TEX46: variants seen among roughly 807,000 people sequenced by gnomAD.
TEX46 encodes testis expressed 46, also known as testis-expressed protein 46.
TEX46 carries 6 observed loss-of-function variants against 5.3 expected under a neutral mutation model. The observed-to-expected ratio is 1.13, with a 90% CI of 0.62 to 2.23. The LOEUF (loss-of-function observed/expected upper bound fraction) is 2.23, where lower values mean the gene tolerates loss of function less well. Among genes scored for constraint, TEX46 ranks in the 30% most tolerant of loss-of-function variants. The pLI, the probability that TEX46 is intolerant of heterozygous loss-of-function variation, is 0.00. For missense variants in TEX46, 131 were observed against 150.9 expected, an observed-to-expected ratio of 0.87 and a Z score of 0.69; for synonymous variants, 41 against 54.6, an observed-to-expected ratio of 0.75 and a Z score of 1.10.
chr1:23,014,236 T>A, intron 1 of TEX46, 191 bp from the exon 2 acceptor site: 2 of 1,073,306 alleles, frequency 1.9e-6, no homozygotes, highest in Non-Finnish European at 2.5e-6. Flanking sequence ...ACCCACTATG[T>A]GCCAGACTCT....
intron 2 of TEX46, among the ~76,000 whole-genome samples, chr1:23,012,317 T>C (rs1641362318): frequency 6.6e-6 from 1 of 151,030 alleles, no homozygotes; most frequent in Non-Finnish European, 1.5e-5. Context: ...GCATCCAGCC[T>C]GGGCCACAGA....
chr1:23,012,328 G>C (rs534648265), intron 2 of TEX46, among the ~76,000 whole-genome samples: 34 of 149,456 alleles, frequency 2.3e-4, no homozygotes, highest in Non-Finnish European at 4.0e-4. Flanking sequence ...GGGCCACAGA[G>C]CGAGACCCTG....
chr1:23,011,246 A>C, intron 2 of TEX46, 145 bp from the exon 3 acceptor site: 2 of 621,062 alleles, frequency 3.2e-6, no homozygotes, highest in Non-Finnish European at 5.7e-6. Context: ...TTGGTTAATA[A>C]TGATAATCCC....
chr1:23,011,266 T>TG (rs1275455183), intron 2 of TEX46, 165 bp from the exon 3 acceptor site: 1 of 599,034 alleles, frequency 1.7e-6, no homozygotes, highest in Non-Finnish European at 3.0e-6. Context: ...CTTCCTTGCT[T>TG]GAACACCTGC....
chr1:23,014,115 G>A (rs147337760), intron 1 of TEX46, 70 bp from the exon 2 acceptor site: 26 of 1,480,068 alleles, frequency 1.8e-5, no homozygotes, highest in Non-Finnish European at 2.2e-5. Context: ...CCTGCCTCAG[G>A]CCCCTCCATG....
At chr1:23,011,426 CTT>C (rs1569574481) in intron 2 of TEX46, among the ~76,000 whole-genome samples, 2 of 146,974 alleles carry the variant, frequency 1.4e-5, no homozygotes, top group Non-Finnish European at 3.0e-5. Context: ...GAGTTTCACT[CTT>C]GTTGCCCAGG....
chr1:23,015,127 G>A (rs1569577742), intron 1 of TEX46, among the ~76,000 whole-genome samples: 1 of 151,528 alleles, frequency 6.6e-6, no homozygotes, highest in Non-Finnish European at 1.5e-5. Flanking sequence ...ACAGGTGTGA[G>A]TCCCCGTGCC....
chr1:23,014,997 C>T (rs964242883), intron 1 of TEX46, among the ~76,000 whole-genome samples: 15 of 151,948 alleles, frequency 9.9e-5, no homozygotes, highest in Non-Finnish European at 1.5e-5. Context: ...CACGCACCAC[C>T]ACACCCACCT....
At chr1:23,012,161 G>A (rs1175711860) in intron 2 of TEX46, among the ~76,000 whole-genome samples, 2 of 151,944 alleles carry the variant, frequency 1.3e-5, no homozygotes, top group African/African-American at 4.8e-5. Flanking sequence ...ACCAGCCTGG[G>A]AAACATGGTA....
At chr1:23,014,165 G>GGGGGGGGGGGCGGCC in intron 1 of TEX46, 120 bp from the exon 2 acceptor site, 1 of 1,409,054 alleles carries the variant, frequency 7.1e-7, no homozygotes, top group Non-Finnish European at 9.2e-7. Context: ...GTCATAGCCA[G>GGGGGGGGGGGCGGCC]CTCCCTCCCC....
At chr1:23,013,816 A>G in intron 2 of TEX46, 67 bp downstream of exon 2, 1 of 1,430,722 alleles carries the variant, frequency 7.0e-7, no homozygotes, top group Non-Finnish European at 9.4e-7. Context: ...CCTGTTCCCT[A>G]CCCACCTAAT....
At chr1:23,015,535 G>C (rs188239830) in intron 1 of TEX46, among the ~76,000 whole-genome samples, 1 of 141,688 alleles carries the variant, frequency 7.1e-6, no homozygotes, top group East Asian at 2.3e-4. Context: ...GTCTTGAAGA[G>C]ATATTTGTAG....
Position 23,011,081 on chromosome 1 carries a change from C to G in TEX46, c.186G>C (p.Leu62=). 6.5e-7 allele frequency: 1 copy of G among 1,536,008 alleles called. No individual in the cohort carries two copies. Among genetic ancestry groups the G allele is most frequent in the Non-Finnish European group, 8.7e-7 (1 of 1,146,828 alleles). The stretch of plus-strand genomic sequence containing the variant: ...CCTTCATCTTCATTTCACTGAACAA[C>G]AGCCGTTGGAGGATCTCGTCCTGGA... ...EPQQDEILQR[L]LFSEMKMKVL... The change falls in exon 3 of 3, where the codon CTG becomes CTC. Residue 62 remains leucine, a synonymous_variant. Coordinates refer to ENST00000566855, the MANE Select transcript of TEX46 (RefSeq NM_001242521.2).
At position 23,014,674 on chromosome 1, in the gene TEX46, C is replaced by A. The variant is rs557183130; in HGVS notation, c.3-629G>T. ...GCTCAAGTGATCCTCCTGCCTCAGCCTCCTGAGTAGCTAAGACTACAGGCA... is the reference window on the plus strand; with the variant it reads ...GCTCAAGTGATCCTCCTGCCTCAGCATCCTGAGTAGCTAAGACTACAGGCA... On this transcript the variant is annotated intron_variant, in intron 1 of 2. Coordinates refer to ENST00000566855, the MANE Select transcript of TEX46 (RefSeq NM_001242521.2). 2.5e-3 allele frequency among the ~76,000 whole-genome samples: 383 copies of A among 151,918 alleles called. 2 individuals carry two copies. The highest frequency in any genetic ancestry group is 8.9e-3 in the African/African-American group (369 of 41,446).
intron 2 of TEX46, among the ~76,000 whole-genome samples, chr1:23,012,867 GCC>G (rs1259136446): frequency 1.6e-5 from 2 of 121,534 alleles, no homozygotes; most frequent in Non-Finnish European, 3.3e-5. Flanking sequence ...CTATTGTTTT[GCC>G]TTTTTTTTTT....
intron 2 of TEX46, among the ~76,000 whole-genome samples, chr1:23,013,465 G>A (rs183423085): frequency 3.2e-4 from 49 of 152,276 alleles, no homozygotes; most frequent in African/African-American, 9.6e-4. Flanking sequence ...GAGCCACTGC[G>A]CCCAGCCTAG....
chr1:23,014,372 C>A (rs1641392772), intron 1 of TEX46, among the ~76,000 whole-genome samples: 1 of 152,044 alleles, frequency 6.6e-6, no homozygotes, highest in African/African-American at 2.4e-5. Context: ...CAATACAGAG[C>A]CCCTACCATC....
Position 23,013,848 on chromosome 1 carries a change from C to A in TEX46, c.165+35G>T, listed in dbSNP as rs1168002885. On this transcript the variant is annotated intron_variant, in intron 2 of 2. Coordinates refer to ENST00000566855, the MANE Select transcript of TEX46 (RefSeq NM_001242521.2). ...TAATCTAGCTGCAAATATCCCCTAT[C>A]CCTGAGCTGAAGCCAAGCCCCATCT... 2.0e-6 allele frequency: 3 copies of A among 1,530,066 alleles called. No homozygotes were observed. In the Admixed American group the frequency reaches 5.9e-5, roughly 30 times the overall value. 94.8% of individuals were successfully genotyped at this position (1,530,066 alleles called of 1,614,324 possible). A position where few individuals can be genotyped will look rare whatever the true frequency, so the allele number is the denominator to read the frequency against.
intron 1 of TEX46, among the ~76,000 whole-genome samples, chr1:23,014,722 T>C (rs1641396843): frequency 6.7e-6 from 1 of 148,870 alleles, no homozygotes; most frequent in South Asian, 2.1e-4. Flanking sequence ...CCCAGCTAAT[T>C]AAAAAAAAAA....
Sources: gnomAD v4.1 joint callset for allele counts (sites outside exome capture counted in the v4.1 genomes callset) on GRCh38, gnomAD v4.1.1 for gene constraint, MANE v1.5 for transcripts, NCBI Gene and HGNC (gene_info 2026-07-23, HGNC 2026-07-21) for gene names.